Variants in KCNMA1 observed in about 807,000 individuals in gnomAD.
The protein encoded by KCNMA1 is Calcium-activated potassium channel subunit alpha-1.
A neutral mutation model predicts 140.0 loss-of-function variants in KCNMA1; 29 were observed. The ratio of observed to expected loss-of-function variants is 0.21; its 90% CI spans 0.15 to 0.28. The LOEUF (loss-of-function observed/expected upper bound fraction) is 0.28, where lower values mean the gene tolerates loss of function less well. KCNMA1 is among the 10% of genes least tolerant of loss of function. The pLI, the probability that KCNMA1 is intolerant of heterozygous loss-of-function variation, is 1.00. For missense variants in KCNMA1, 880 were observed against 1,602.2 expected (o/e 0.55, Z 7.70); for synonymous variants, 612 against 611.9 (o/e 1.00, Z 0.00).
rs563879219 is a variant in KCNMA1, at chr10:76,983,725, TA to T, written c.2267-13659del. On this transcript the variant is annotated intron_variant, in intron 19 of 27. Transcript: ENST00000286628. The stretch of plus-strand genomic sequence containing the variant: ...CTGGATGACACAGTGAGACACTGTT[TA>T]AAAAAAAAAAAAAAGGAAGAAAATT... Among the ~76,000 whole-genome samples the T allele has an allele frequency of 9.2e-3, 1,263 of 136,748 alleles. 8 individuals are homozygous for T. The highest frequency in any genetic ancestry group is 0.022 in the Admixed American group (296 of 13,584). 89.7% of individuals were successfully genotyped at this position (136,748 alleles called of 152,430 possible). A position where few individuals can be genotyped will look rare whatever the true frequency, so the allele number is the denominator to read the frequency against.
At chr10:77,359,256 G>A (rs565180805) in intron 2 of KCNMA1, among the ~76,000 whole-genome samples, 1 of 152,304 alleles carries the variant, frequency 6.6e-6, no homozygotes, top group South Asian at 2.1e-4. Context: ...TGTTGGCGGG[G>A]AGGGGCAGGA....
intron 1 of KCNMA1, among the ~76,000 whole-genome samples, chr10:77,531,173 T>A (rs2057512793): frequency 6.6e-6 from 1 of 152,142 alleles, no homozygotes; most frequent in South Asian, 2.1e-4. Context: ...TGATTCTAAG[T>A]CCCAAGTCTT....
chr10:77,440,486 C>G (rs562973203), intron 1 of KCNMA1, among the ~76,000 whole-genome samples: 1 of 152,150 alleles, frequency 6.6e-6, no homozygotes, highest in Non-Finnish European at 1.5e-5. Flanking sequence ...CCCAAGACCC[C>G]CTCTCTGACC....
intron 2 of KCNMA1, among the ~76,000 whole-genome samples, chr10:77,377,422 G>A (rs1489243901): frequency 6.6e-6 from 1 of 152,158 alleles, no homozygotes; most frequent in Non-Finnish European, 1.5e-5. Flanking sequence ...ACTAGAACAT[G>A]GGAAATGATG....
intron 3 of KCNMA1, among the ~76,000 whole-genome samples, chr10:77,201,616 G>A (rs1015692312): frequency 4.6e-5 from 7 of 152,260 alleles, no homozygotes; most frequent in Non-Finnish European, 8.8e-5. Flanking sequence ...GTGAGGCACC[G>A]CACCCAGCCT....
intron 1 of KCNMA1, among the ~76,000 whole-genome samples, chr10:77,443,277 G>C (rs1313761775): frequency 6.6e-6 from 1 of 152,154 alleles, no homozygotes; most frequent in Admixed American, 6.5e-5. Flanking sequence ...GCCAGGGACT[G>C]GTTTCTGTTT....
intron 23 of KCNMA1, among the ~76,000 whole-genome samples, chr10:76,926,531 GTCCCAGGTCAACTCC>G (rs2057737267): frequency 6.6e-6 from 1 of 152,146 alleles, no homozygotes; most frequent in African/African-American, 2.4e-5. Context: ...ATGGGTTTTA[GTCCCAGGTCAACTCC>G]TACCTCTCTG....
At chr10:77,257,282 G>T (rs568757684) in intron 2 of KCNMA1, among the ~76,000 whole-genome samples, 45 of 152,322 alleles carry the variant, frequency 3.0e-4, no homozygotes, top group African/African-American at 9.1e-4. Flanking sequence ...CTATGCACAA[G>T]GGCCAGAGTG....
chr10:77,047,077 A>G (rs2095098967), intron 14 of KCNMA1, among the ~76,000 whole-genome samples: 1 of 152,204 alleles, frequency 6.6e-6, no homozygotes, highest in African/African-American at 2.4e-5. Flanking sequence ...GCATTCCACA[A>G]TTATGGCCTC....
At chr10:77,530,954 G>A (rs182634801) in intron 1 of KCNMA1, among the ~76,000 whole-genome samples, 22 of 152,174 alleles carry the variant, frequency 1.4e-4, no homozygotes, top group Non-Finnish European at 2.9e-4. Flanking sequence ...TAAGAAATTC[G>A]TCTGTGTCCC....
At chr10:77,117,086 G>C (rs933747550) in intron 6 of KCNMA1, among the ~76,000 whole-genome samples, 1 of 152,148 alleles carries the variant, frequency 6.6e-6, no homozygotes, top group South Asian at 2.1e-4. Flanking sequence ...AACCATATTG[G>C]TTAGGTACAC....
chr10:76,949,443 G>A (rs2065410668), intron 21 of KCNMA1, 77 bp from the exon 22 acceptor site: 4 of 1,230,390 alleles, frequency 3.3e-6, no homozygotes, highest in African/African-American at 3.0e-5. Flanking sequence ...TAAATCATTT[G>A]TGCAAAGAAT....
intron 3 of KCNMA1, among the ~76,000 whole-genome samples, chr10:77,235,001 G>A (rs755825610): frequency 2.4e-4 from 36 of 152,184 alleles, no homozygotes; most frequent in Non-Finnish European, 4.0e-4. Context: ...TTCTCCTTAT[G>A]AGCCACAGCA....
chr10:77,471,608 CACTA>C (rs949031762), intron 1 of KCNMA1, among the ~76,000 whole-genome samples: 1 of 150,714 alleles, frequency 6.6e-6, no homozygotes, highest in Non-Finnish European at 1.5e-5. Context: ...ACACCACACA[CACTA>C]TACATATACA....
downstream of KCNMA1, among the ~76,000 whole-genome samples, chr10:76,880,301 T>C (rs2034102056): frequency 6.6e-6 from 1 of 152,100 alleles, no homozygotes; most frequent in African/African-American, 2.4e-5. Flanking sequence ...TCCTTTTACA[T>C]TTCTTGCCAT....
chr10:77,215,961 A>T (rs202232832), intron 3 of KCNMA1, among the ~76,000 whole-genome samples: 2 of 150,476 alleles, frequency 1.3e-5, no homozygotes, highest in Non-Finnish European at 2.9e-5. Context: ...GAAGGTGGCC[A>T]TCTGCAACCC....
At chr10:77,495,825 C>G (rs1333279000) in intron 1 of KCNMA1, among the ~76,000 whole-genome samples, 1 of 152,160 alleles carries the variant, frequency 6.6e-6, no homozygotes, top group Non-Finnish European at 1.5e-5. Flanking sequence ...ACCCCCACAC[C>G]AGGGACTGAC....
chr10:77,520,983 T>C (rs1000009547), intron 1 of KCNMA1, among the ~76,000 whole-genome samples: 1 of 152,256 alleles, frequency 6.6e-6, no homozygotes, highest in Non-Finnish European at 1.5e-5. Context: ...TTTCTCATTA[T>C]AGTTATTCCC....
intron 5 of KCNMA1, among the ~76,000 whole-genome samples, chr10:77,171,946 C>A (rs952830529): frequency 1.3e-5 from 2 of 152,082 alleles, no homozygotes; most frequent in Admixed American, 1.3e-4. Context: ...GAGGACACTC[C>A]AATTAAGTTA....
Sources: allele counts gnomAD v4.1 joint callset (sites outside exome capture counted in the v4.1 genomes callset), GRCh38; gene constraint gnomAD v4.1.1; transcripts MANE v1.5; gene names NCBI Gene and HGNC (gene_info 2026-07-23, HGNC 2026-07-21).